DNAH11: variants seen among roughly 807,000 people sequenced by gnomAD.
DNAH11 encodes dynein axonemal heavy chain 11, also known as axonemal beta dynein heavy chain 11.
A neutral mutation model predicts 526.0 loss-of-function variants in DNAH11; 442 were observed. That is an observed-to-expected ratio of 0.84 (90% CI 0.78 to 0.91). The LOEUF is 0.91. Ranked by LOEUF, DNAH11 falls within the 40% of genes least tolerant of loss-of-function variation. DNAH11 has a pLI of 0.00. For synonymous variants in DNAH11, 2,461 were observed against 1,935.9 expected (o/e 1.27, Z -7.12); for missense variants, 6,989 against 5,448.7 (o/e 1.28, Z -8.90).
chr7:21,712,263 C>T (rs920449268), intron 42 of DNAH11, among the ~76,000 whole-genome samples: 3 of 152,154 alleles, frequency 2.0e-5, no homozygotes, highest in Admixed American at 6.5e-5. Context: ...TACCACATTT[C>T]GTTTACCCAT....
At chr7:21,705,221 A>G (rs561665007) in intron 38 of DNAH11, among the ~76,000 whole-genome samples, 2 of 152,324 alleles carry the variant, frequency 1.3e-5, no homozygotes, top group East Asian at 3.9e-4. Context: ...AACCCCTGCC[A>G]TATACTGAGT....
intron 56 of DNAH11, among the ~76,000 whole-genome samples, chr7:21,777,718 G>A (rs557377758): frequency 1.6e-4 from 25 of 152,174 alleles, no homozygotes; most frequent in Non-Finnish European, 3.4e-4. Context: ...AAAGAACTGA[G>A]AAGCATGTCA....
chr7:21,801,203 T>A lies in DNAH11; in HGVS notation c.10093T>A (p.Cys3365Ser). ...AAAAGCAACAGCTGAGAAAGTCCGG[T>A]GTCAAGAAGAGGTGAACCAAACCAA... is the stretch of plus-strand genomic sequence containing the variant. ...FEKATAEKVR[C>S]QEEVNQTNKT... is the part of the protein sequence containing the mutation. The change falls in exon 62 of 82, where the codon TGT becomes AGT. Residue 3365 changes from cysteine to serine, a missense_variant. Cys to Ser is a moderately radical substitution (Grantham distance 112). Coordinates refer to ENST00000409508, the MANE Select transcript of DNAH11 (RefSeq NM_001277115.2). The A allele has an allele frequency of 6.2e-7, 1 of 1,613,036 alleles. No individual in the cohort carries two copies. Among genetic ancestry groups the A allele is most frequent in the Non-Finnish European group, 8.5e-7 (1 of 1,179,294 alleles).
At chr7:21,742,490 CTGAG>C (rs762466090) in intron 49 of DNAH11, among the ~76,000 whole-genome samples, 12 of 152,006 alleles carry the variant, frequency 7.9e-5, no homozygotes, top group African/African-American at 9.7e-5. Context: ...CATGAACTAA[CTGAG>C]TGAGAATTCA....
intron 40 of DNAH11, among the ~76,000 whole-genome samples, chr7:21,708,495 G>C (rs1784351933): frequency 6.6e-6 from 1 of 152,152 alleles, no homozygotes; most frequent in African/African-American, 2.4e-5. Flanking sequence ...TTTCCCTGCA[G>C]TTCATTTGAC....
chr7:21,888,158 C>G (rs1411971335), intron 76 of DNAH11, among the ~76,000 whole-genome samples: 1 of 152,160 alleles, frequency 6.6e-6, no homozygotes, highest in South Asian at 2.1e-4. Context: ...TAGAAAATCA[C>G]CAATGTACCT....
chr7:21,825,836 G>T (rs1310156645), intron 65 of DNAH11, among the ~76,000 whole-genome samples: 1 of 151,964 alleles, frequency 6.6e-6, no homozygotes, highest in Non-Finnish European at 1.5e-5. Context: ...GCGGGTGCCT[G>T]TAGTCCCAGC....
intron 2 of DNAH11, among the ~76,000 whole-genome samples, chr7:21,556,988 G>C (rs1383321022): frequency 6.6e-6 from 1 of 151,736 alleles, no homozygotes; most frequent in Non-Finnish European, 1.5e-5. Flanking sequence ...TTGAACCCAG[G>C]AGACATGGAG....
chr7:21,595,577 A>G (rs1784832107), intron 14 of DNAH11, among the ~76,000 whole-genome samples: 1 of 152,208 alleles, frequency 6.6e-6, no homozygotes, highest in Non-Finnish European at 1.5e-5. Context: ...TGAATTTGCA[A>G]TCTATTCAGA....
rs369075489 is a variant in DNAH11, at chr7:21,811,291, C to G, written c.10332+3242C>G. On this transcript the variant is annotated intron_variant, in intron 63 of 81. Coordinates refer to ENST00000409508, the MANE Select transcript of DNAH11 (RefSeq NM_001277115.2). ...CAGCCTGGCCAACATGGTGAAACCC[C>G]CCCCCCTACTAAAAATTAGCCAGGC... Among the ~76,000 whole-genome samples, 9 of 151,254 alleles carry G rather than the reference C, an allele frequency of 6.0e-5. No individual in the cohort carries two copies. The South Asian group carries it at 1.3e-3, about 21-fold the overall frequency.
rs773851007 is a variant in DNAH11 at position 21,801,146 on chromosome 7, C to T, written c.10036C>T (p.Arg3346Ter). Residue 3346 changes from arginine to a stop codon, truncating the protein, a stop_gained, in exon 62 of 82, where the codon CGA becomes TGA. Coordinates refer to ENST00000409508, the MANE Select transcript of DNAH11 (RefSeq NM_001277115.2). LOFTEE classifies it high-confidence loss of function. ...AIRKKLVDLDRNLSRLTASFE... is the reference protein window; with the variant it reads ...AIRKKLVDLD ...TTCAACTCTGATTCAGGATCTGGAT[C>T]GAAATCTGAGCAGACTCACGGCTTC... The T allele has an allele frequency of 1.0e-5, 16 of 1,607,998 alleles. No homozygotes were observed. The East Asian group carries it at 1.6e-4, about 16-fold the overall frequency.
intron 54 of DNAH11, among the ~76,000 whole-genome samples, chr7:21,756,387 A>G (rs989854423): frequency 2.0e-5 from 3 of 152,096 alleles, no homozygotes; most frequent in African/African-American, 4.8e-5. Context: ...TTGTTCCTGC[A>G]TAATTGCCAC....
chr7:21,647,586 C>T (rs1429901841), intron 28 of DNAH11, among the ~76,000 whole-genome samples: 1 of 151,992 alleles, frequency 6.6e-6, no homozygotes, highest in African/African-American at 2.4e-5. Context: ...CCTACCACCA[C>T]AACTGGCTAA....
In DNAH11 at chr7:21,604,867, ACT is replaced by A. The variant is rs533054595; in HGVS notation, c.3649-1556_3649-1555del. ...AATGGAATTGGAAATGCAAAGTGAG[ACT>A]CTGTCTGTACAGAGGGCGGATGCAG... On this transcript the variant is annotated intron_variant, in intron 18 of 81. Coordinates refer to ENST00000409508, the MANE Select transcript of DNAH11 (RefSeq NM_001277115.2). Among the ~76,000 whole-genome samples, 3 of 152,160 alleles carry A rather than the reference ACT, an allele frequency of 2.0e-5. No homozygotes were observed. In the East Asian group the frequency reaches 5.8e-4, roughly 30 times the overall value.
chr7:21,752,152 T>C (rs1786442731), intron 54 of DNAH11, among the ~76,000 whole-genome samples: 1 of 152,268 alleles, frequency 6.6e-6, no homozygotes, highest in South Asian at 2.1e-4. Context: ...GCCATTGTTA[T>C]AAATAGTGCT....
chr7:21,573,964 C>G (rs1399245063), intron 8 of DNAH11, among the ~76,000 whole-genome samples: 1 of 152,210 alleles, frequency 6.6e-6, no homozygotes, highest in Admixed American at 6.5e-5. Context: ...GCCTACTAAT[C>G]AGGCTTTGAG....
chr7:21,732,191 A>T (rs1219620426), intron 45 of DNAH11, among the ~76,000 whole-genome samples: 1 of 152,134 alleles, frequency 6.6e-6, no homozygotes, highest in Non-Finnish European at 1.5e-5. Context: ...TAGCAGTCCA[A>T]GTTCAAGGTG....
Position 21,601,537 on chromosome 7 carries a change from CTT to C in DNAH11, c.3569_3570del (p.Phe1190Ter), listed in dbSNP as rs779520176. The C allele has an allele frequency of 6.2e-7, 1 of 1,613,316 alleles. No individual in the cohort carries two copies. The highest frequency in any genetic ancestry group is 1.7e-5 in the Admixed American group (1 of 59,948). On this transcript the variant is annotated frameshift_variant, in exon 18 of 82. Transcript: ENST00000409508. LOFTEE classifies it high-confidence loss of function. ...RSRQRATDEL[F>X]EPLKETITLL... The stretch of plus-strand genomic sequence containing the variant: ...GCCGACAGAGAGCTACTGATGAACT[CTT>C]TGAACCTCTAAAAGAAACGATCACC...
chr7:21,770,726 T>A (rs571778116), intron 55 of DNAH11, among the ~76,000 whole-genome samples: 2 of 152,308 alleles, frequency 1.3e-5, no homozygotes. Context: ...ACAGAATTTT[T>A]AAAGGAGCAA....
Sources: allele counts gnomAD v4.1 joint callset (sites outside exome capture counted in the v4.1 genomes callset), GRCh38; gene constraint gnomAD v4.1.1; transcripts MANE v1.5; gene names NCBI Gene and HGNC (gene_info 2026-07-23, HGNC 2026-07-21).